STPG2: variants seen among roughly 807,000 people sequenced by gnomAD.
STPG2 encodes sperm tail PG-rich repeat containing 2.
STPG2 carries 56 observed loss-of-function variants against 54.2 expected under a neutral mutation model. The ratio of observed to expected loss-of-function variants is 1.03; its 90% CI spans 0.83 to 1.29. The LOEUF (loss-of-function observed/expected upper bound fraction) is 1.29. Ranked by LOEUF, STPG2 falls within the 50% of genes most tolerant of loss-of-function variation. The pLI is 0.00. For missense variants in STPG2, 596 were observed against 544.9 expected, an observed-to-expected ratio of 1.09 and a Z score of -0.93; for synonymous variants, 200 against 181.8, an observed-to-expected ratio of 1.10 and a Z score of -0.81.
rs562050167 is a variant in STPG2, at chr4:97,628,335, C to T, written c.1321-69218G>A. Among the ~76,000 whole-genome samples, 4 of 152,166 alleles carry T rather than the reference C, an allele frequency of 2.6e-5. No homozygotes were observed. The South Asian group carries it at 8.3e-4, about 32-fold the overall frequency. On this transcript the variant is annotated intron_variant, in intron 10 of 10. Transcript: ENST00000295268. ...ATTGCATGAGTCTATTTTTCACCAA[C>T]CATGTTACCTTGCTCAAAAAATAAA...
intron 10 of STPG2, among the ~76,000 whole-genome samples, chr4:97,626,787 T>C (rs1459610357): frequency 6.6e-6 from 1 of 152,134 alleles, no homozygotes; most frequent in Non-Finnish European, 1.5e-5. Flanking sequence ...TATTTCTATG[T>C]ACCGCATATT....
chr4:97,471,897 C>T (rs1226829077), intron 4 of STPG2, among the ~76,000 whole-genome samples: 3 of 152,098 alleles, frequency 2.0e-5, no homozygotes, highest in African/African-American at 7.2e-5. Context: ...AGTTTTCATA[C>T]AGCAGGTACA....
chr4:97,530,220 A>C (rs1032395522), intron 4 of STPG2, among the ~76,000 whole-genome samples: 1 of 152,184 alleles, frequency 6.6e-6, no homozygotes, highest in African/African-American at 2.4e-5. Context: ...GGAACTTGGA[A>C]TCCTCTGTTG....
intron 4 of STPG2, among the ~76,000 whole-genome samples, chr4:97,522,134 A>G (rs936017217): frequency 3.9e-5 from 6 of 152,202 alleles, no homozygotes; most frequent in African/African-American, 1.4e-4. Context: ...AAAAGATAGT[A>G]AAACTTGATA....
At chr4:97,871,161 G>A (rs2149154104) in intron 8 of STPG2, among the ~76,000 whole-genome samples, 1 of 150,786 alleles carries the variant, frequency 6.6e-6, no homozygotes, top group African/African-American at 2.4e-5. Context: ...AATATAAAAA[G>A]TGGTGATTAA....
At chr4:97,889,772 T>G (rs1730700625) in intron 8 of STPG2, among the ~76,000 whole-genome samples, 1 of 152,084 alleles carries the variant, frequency 6.6e-6, no homozygotes, top group Non-Finnish European at 1.5e-5. Flanking sequence ...TATAACATGG[T>G]GACTATAGTT....
intron 4 of STPG2, among the ~76,000 whole-genome samples, chr4:97,456,101 G>A (rs1325807398): frequency 6.6e-6 from 1 of 152,158 alleles, no homozygotes; most frequent in Non-Finnish European, 1.5e-5. Flanking sequence ...AAGAAGACTA[G>A]CTACAGACTC....
intron 9 of STPG2, among the ~76,000 whole-genome samples, chr4:97,739,442 A>T (rs1177652469): frequency 2.0e-5 from 3 of 152,164 alleles, no homozygotes. Flanking sequence ...TTTTGAAAGG[A>T]TCAACAAAAT....
chr4:98,004,720 T>C (rs1735521829), intron 5 of STPG2, among the ~76,000 whole-genome samples: 1 of 152,182 alleles, frequency 6.6e-6, no homozygotes, highest in African/African-American at 2.4e-5. Context: ...GCTTTTGATT[T>C]CCATGTCACT....
At chr4:97,605,903 T>A (rs981010922) in intron 10 of STPG2, among the ~76,000 whole-genome samples, 1 of 151,734 alleles carries the variant, frequency 6.6e-6, no homozygotes. Context: ...ACAAAAAAAA[T>A]TATTTAAAAA....
At chr4:97,740,023 G>T (rs1488681368) in intron 9 of STPG2, among the ~76,000 whole-genome samples, 1 of 152,012 alleles carries the variant, frequency 6.6e-6, no homozygotes, top group South Asian at 2.1e-4. Flanking sequence ...CCATGATCAA[G>T]TGGGCTTCAT....
intron 9 of STPG2, among the ~76,000 whole-genome samples, chr4:97,812,003 A>G (rs1442995002): frequency 6.6e-6 from 1 of 152,168 alleles, no homozygotes; most frequent in Non-Finnish European, 1.5e-5. Context: ...TTAGAAAAAA[A>G]GTACAGGCCT....
chr4:97,853,361 G>C (rs971685432), intron 8 of STPG2, among the ~76,000 whole-genome samples: 1 of 152,126 alleles, frequency 6.6e-6, no homozygotes, highest in Non-Finnish European at 1.5e-5. Flanking sequence ...AATTGTGATA[G>C]TTCATGTATA....
intron 9 of STPG2, among the ~76,000 whole-genome samples, chr4:97,807,884 T>A (rs1727620752): frequency 6.6e-6 from 1 of 151,692 alleles, no homozygotes; most frequent in Non-Finnish European, 1.5e-5. Flanking sequence ...AATGAGAAAA[T>A]TTTGGAAGCA....
chr4:97,870,968 C>A (rs923402324), intron 8 of STPG2, among the ~76,000 whole-genome samples: 1 of 150,696 alleles, frequency 6.6e-6, no homozygotes, highest in African/African-American at 2.4e-5. Context: ...AATGACACTT[C>A]CTGATCATAA....
intron 4 of STPG2, among the ~76,000 whole-genome samples, chr4:97,455,367 C>T (rs948754948): frequency 1.3e-5 from 2 of 152,074 alleles, no homozygotes; most frequent in Non-Finnish European, 2.9e-5. Flanking sequence ...ATGCCTCCAA[C>T]CTGTGCCTAT....
intron 10 of STPG2, among the ~76,000 whole-genome samples, chr4:97,629,280 G>C (rs948303023): frequency 1.3e-5 from 2 of 151,936 alleles, no homozygotes; most frequent in Non-Finnish European, 2.9e-5. Context: ...TATGAAGGTA[G>C]TATTAGTAAA....
chr4:97,692,060 T>C (rs1421852971), intron 10 of STPG2, among the ~76,000 whole-genome samples: 1 of 152,100 alleles, frequency 6.6e-6, no homozygotes, highest in Non-Finnish European at 1.5e-5. Flanking sequence ...ATTTTCCCTC[T>C]GATATAGTCT....
intron 9 of STPG2, among the ~76,000 whole-genome samples, chr4:97,764,306 T>C (rs987547345): frequency 6.6e-6 from 1 of 152,146 alleles, no homozygotes; most frequent in Non-Finnish European, 1.5e-5. Flanking sequence ...CCTTGTTTTT[T>C]ATTTACAGCA....
Sources: gnomAD v4.1 joint callset for allele counts (sites outside exome capture counted in the v4.1 genomes callset) on GRCh38, gnomAD v4.1.1 for gene constraint, MANE v1.5 for transcripts, NCBI Gene and HGNC (gene_info 2026-07-23, HGNC 2026-07-21) for gene names.